STK32B: variants seen among roughly 807,000 people sequenced by gnomAD.
STK32B encodes serine/threonine kinase 32B.
STK32B carries 43 observed loss-of-function variants against 52.6 expected under a neutral mutation model. The ratio of observed to expected loss-of-function variants is 0.82; its 90% CI spans 0.64 to 1.05. The LOEUF (loss-of-function observed/expected upper bound fraction) is 1.05, where lower values mean the gene tolerates loss of function less well. Ranked by LOEUF, STK32B falls within the 50% of genes least tolerant of loss-of-function variation. The pLI is 0.00. For missense variants in STK32B, 621 were observed against 534.6 expected (o/e 1.16, Z -1.59); for synonymous variants, 238 against 204.3 (o/e 1.17, Z -1.41).
chr4:5,392,413 G>A (rs141329244), intron 4 of STK32B, among the ~76,000 whole-genome samples: 389 of 152,238 alleles, frequency 2.6e-3, no homozygotes, highest in African/African-American at 9.0e-3. Flanking sequence ...GTGACAAAGC[G>A]AGACTCCATC....
At chr4:5,361,945 A>G (rs1734574262) in intron 4 of STK32B, among the ~76,000 whole-genome samples, 1 of 152,218 alleles carries the variant, frequency 6.6e-6, no homozygotes, top group African/African-American at 2.4e-5. Flanking sequence ...GATGCTAACC[A>G]TTAGAATTAA....
intron 6 of STK32B, among the ~76,000 whole-genome samples, chr4:5,429,603 T>C (rs1242515780): frequency 6.6e-6 from 1 of 152,100 alleles, no homozygotes; most frequent in Non-Finnish European, 1.5e-5. Flanking sequence ...GTCAATTATA[T>C]TTTGCAGTGG....
chr4:5,475,674 G>C (rs1718184009), intron 11 of STK32B, among the ~76,000 whole-genome samples: 1 of 150,326 alleles, frequency 6.7e-6, no homozygotes, highest in Non-Finnish European at 1.5e-5. Context: ...CTCCAGCCTG[G>C]GCAACAGAGC....
intron 3 of STK32B, among the ~76,000 whole-genome samples, chr4:5,236,345 A>T (rs1241665796): frequency 2.0e-5 from 3 of 151,678 alleles, no homozygotes; most frequent in South Asian, 4.2e-4. Flanking sequence ...CTTTTTTTTT[A>T]AACTTACTTA....
chr4:5,412,107 G>A (rs1382272547), intron 5 of STK32B, among the ~76,000 whole-genome samples: 2 of 152,296 alleles, frequency 1.3e-5, no homozygotes, highest in African/African-American at 2.4e-5. Context: ...AGAGATGCAT[G>A]TCTGGAGTAC....
intron 3 of STK32B, among the ~76,000 whole-genome samples, chr4:5,187,743 T>C (rs1421662452): frequency 6.6e-6 from 1 of 152,188 alleles, no homozygotes; most frequent in East Asian, 1.9e-4. Flanking sequence ...ATTTAGCATT[T>C]GATTATGATG....
rs1486224607 is a variant in STK32B at position 5,442,730 on chromosome 4, C to T, written c.563-3943C>T. On this transcript the variant is annotated intron_variant, in intron 6 of 11. Transcript: ENST00000282908. ...GTCTTTACATTTTGGCATGATTTTG[C>T]AGTGGCTGGTACCGGTTGTTCCTTT... is the stretch of plus-strand genomic sequence containing the variant. Among the ~76,000 whole-genome samples the T allele has an allele frequency of 3.3e-5, 5 of 152,316 alleles. No homozygotes were observed. In the East Asian group the frequency reaches 7.7e-4, roughly 23 times the overall value.
At chr4:5,028,625 A>T in the STK32B span, among the ~76,000 whole-genome samples, 17 of 152,302 alleles carry the variant, frequency 1.1e-4, no homozygotes, top group East Asian at 3.1e-3. Context: ...ATGAAAAGCA[A>T]TTCATGTGGT....
At chr4:5,099,524 T>C (rs943861658) in intron 1 of STK32B, among the ~76,000 whole-genome samples, 3 of 152,036 alleles carry the variant, frequency 2.0e-5, no homozygotes, top group Non-Finnish European at 2.9e-5. Flanking sequence ...GTGGCAGGGT[T>C]ATGCCCAGGA....
chr4:5,029,519 G>A, the STK32B span, among the ~76,000 whole-genome samples: 93 of 152,120 alleles, frequency 6.1e-4, no homozygotes, highest in Non-Finnish European at 1.1e-3. Flanking sequence ...CACCAGCAAG[G>A]AAATGGGAAC....
At chr4:5,036,173 T>C in the STK32B span, among the ~76,000 whole-genome samples, 3 of 152,164 alleles carry the variant, frequency 2.0e-5, no homozygotes, top group African/African-American at 7.2e-5. Flanking sequence ...AGCTCAAAGT[T>C]TGTGTAAAGA....
intron 3 of STK32B, among the ~76,000 whole-genome samples, chr4:5,223,483 C>T (rs1723665738): frequency 1.3e-5 from 2 of 152,082 alleles, no homozygotes; most frequent in Admixed American, 6.6e-5. Context: ...GGGTCCCCTG[C>T]AGCCAGCATG....
chr4:5,423,695 G>A (rs1712833127), intron 6 of STK32B, among the ~76,000 whole-genome samples: 1 of 152,178 alleles, frequency 6.6e-6, no homozygotes, highest in Non-Finnish European at 1.5e-5. Flanking sequence ...CCAGGGGATG[G>A]TGGGTGCACT....
chr4:5,459,058 T>TC (rs560639481), intron 8 of STK32B, among the ~76,000 whole-genome samples: 1 of 152,158 alleles, frequency 6.6e-6, no homozygotes, highest in Non-Finnish European at 1.5e-5. Context: ...ACAGTGAACT[T>TC]CCACATGGTA....
intron 3 of STK32B, among the ~76,000 whole-genome samples, chr4:5,317,539 G>GTATATATA (rs373146893): frequency 1.2e-4 from 11 of 92,146 alleles, no homozygotes; most frequent in Non-Finnish European, 1.6e-4. Context: ...TATATTACAT[G>GTATATATA]TATATATATA....
At chr4:5,278,388 G>A (rs767872978) in intron 3 of STK32B, among the ~76,000 whole-genome samples, 2 of 152,152 alleles carry the variant, frequency 1.3e-5, no homozygotes, top group Admixed American at 6.5e-5. Flanking sequence ...GGGGTTCAGC[G>A]CATATGTGGG....
chr4:5,406,877 G>A lies in STK32B; in HGVS notation c.472+8633G>A, dbSNP rs115619609. 5.3e-3 allele frequency among the ~76,000 whole-genome samples: 803 copies of A among 152,280 alleles called. 17 individuals are homozygous for A. Among genetic ancestry groups the A allele is most frequent in the African/African-American group, 0.019 (773 of 41,532 alleles). On this transcript the variant is annotated intron_variant, in intron 5 of 11. Transcript: ENST00000282908. ...AGGCATTTTCCCCATTGTCTTGGCTGTTAACATTCAGCTCCCTTTTACTCA... is the reference window on the plus strand; with the variant it reads ...AGGCATTTTCCCCATTGTCTTGGCTATTAACATTCAGCTCCCTTTTACTCA...
chr4:5,292,725 G>A (rs1728962802), intron 3 of STK32B, among the ~76,000 whole-genome samples: 1 of 151,848 alleles, frequency 6.6e-6, no homozygotes, highest in African/African-American at 2.4e-5. Context: ...CTTTTGCCTA[G>A]GCCAATGTCC....
At chr4:5,359,293 G>A (rs1734386915) in intron 4 of STK32B, among the ~76,000 whole-genome samples, 1 of 151,938 alleles carries the variant, frequency 6.6e-6, no homozygotes, top group South Asian at 2.1e-4. Context: ...TCTTGGAAAA[G>A]CTGAGCTATT....
Sources: gnomAD v4.1 joint callset for allele counts (sites outside exome capture counted in the v4.1 genomes callset) on GRCh38, gnomAD v4.1.1 for gene constraint, MANE v1.5 for transcripts, NCBI Gene and HGNC (gene_info 2026-07-23, HGNC 2026-07-21) for gene names.